KRABD3: variants seen among roughly 807,000 people sequenced by gnomAD.
KRABD3 encodes KRAB domain containing 3.
chr7:149,731,662 C>G, the KRABD3 span: 1 of 1,602,640 alleles, frequency 6.2e-7, no homozygotes, highest in Admixed American at 1.7e-5. Context: ...TCTCTGTGCT[C>G]TTTCTATAGG....
At chr7:149,729,731 G>A in the KRABD3 span, 2 of 985,384 alleles carry the variant, frequency 2.0e-6, no homozygotes, top group Non-Finnish European at 2.4e-6. Flanking sequence ...CTGAATAAAT[G>A]CGGTTTTGCT....
chr7:149,722,363 T>TGAATTTCCAGAGTCTGGAGC, the KRABD3 span: 1 of 1,562,232 alleles, frequency 6.4e-7, no homozygotes, highest in East Asian at 2.4e-5. Flanking sequence ...AGATCTGGTG[T>TGAATTTCCAGAGTCTGGAGC]GATTTTCCAG....
At chr7:149,725,457 T>A in the KRABD3 span, 1 of 1,611,932 alleles carries the variant, frequency 6.2e-7, no homozygotes. Flanking sequence ...CTCAGAAGCC[T>A]GAACTGCAAC....
chr7:149,729,242 C>A, the KRABD3 span: 5 of 1,598,900 alleles, frequency 3.1e-6, no homozygotes, highest in Non-Finnish European at 4.3e-6. Context: ...AGGGGAGAAG[C>A]GCCCACCCGG....
chr7:149,730,340 G>T, the KRABD3 span: 1 of 1,544,656 alleles, frequency 6.5e-7, no homozygotes. Context: ...CGCTCCCCCA[G>T]GGTGAGCCTG....
the KRABD3 span, among the ~76,000 whole-genome samples, chr7:149,715,841 G>C: frequency 6.6e-6 from 1 of 152,180 alleles, no homozygotes; most frequent in Non-Finnish European, 1.5e-5. Flanking sequence ...ACAGTCAAGT[G>C]TCCTTTTCAG....
chr7:149,722,619 C>T, the KRABD3 span: 3 of 1,534,280 alleles, frequency 2.0e-6, no homozygotes. Context: ...ACGAGGAGGT[C>T]ATGCTGCTCC....
the KRABD3 span, chr7:149,730,338 C>A: frequency 1.9e-6 from 3 of 1,542,530 alleles, no homozygotes; most frequent in Admixed American, 2.0e-5. Context: ...GCCGCTCCCC[C>A]AGGGTGAGCC....
At chr7:149,730,252 G>A in the KRABD3 span, 10 of 1,558,052 alleles carry the variant, frequency 6.4e-6, no homozygotes, top group Non-Finnish European at 8.7e-6. Flanking sequence ...CCCAGCCCCA[G>A]CCCCAGCCCC....
chr7:149,726,752 A>T, the KRABD3 span, among the ~76,000 whole-genome samples: 3 of 151,962 alleles, frequency 2.0e-5, 1 homozygote, highest in South Asian at 6.2e-4. Context: ...CAGAAGATTT[A>T]AAAAATTATC....
the KRABD3 span, chr7:149,722,342 C>T: frequency 1.3e-6 from 2 of 1,551,434 alleles, no homozygotes; most frequent in African/African-American, 1.4e-5. Flanking sequence ...GGGCTGTCCT[C>T]TATGGGAACC....
At chr7:149,715,255 C>T in the KRABD3 span, 1 of 1,218,960 alleles carries the variant, frequency 8.2e-7, no homozygotes, top group Non-Finnish European at 1.0e-6. Flanking sequence ...GCCGCCGGTA[C>T]CCACGGCCCA....
At chr7:149,733,801 C>G in the KRABD3 span, 15 of 1,604,354 alleles carry the variant, frequency 9.3e-6, no homozygotes, top group Admixed American at 8.5e-5. Context: ...CTGCACACCC[C>G]CTCCTCGCAC....
At chr7:149,732,217 C>T in the KRABD3 span, among the ~76,000 whole-genome samples, 1 of 152,190 alleles carries the variant, frequency 6.6e-6, no homozygotes, top group South Asian at 2.1e-4. The surrounding 1 kb of genome is among the most constrained non-coding windows in gnomAD (Gnocchi z 4.0). Context: ...GGCAGGTTCT[C>T]TTACTGGCTC....
At chr7:149,721,398 C>A in the KRABD3 span, 1 of 1,607,080 alleles carries the variant, frequency 6.2e-7, no homozygotes, top group Non-Finnish European at 8.5e-7. Context: ...GCAAGAGAGC[C>A]CTGCCCTCTC....
chr7:149,729,589 G>A, the KRABD3 span: 2 of 985,340 alleles, frequency 2.0e-6, no homozygotes, highest in Admixed American at 6.1e-5. Context: ...ATCATTGTTT[G>A]TGTCCATCCA....
At chr7:149,730,501 C>T in the KRABD3 span, 2 of 1,610,710 alleles carry the variant, frequency 1.2e-6, no homozygotes, top group Non-Finnish European at 1.7e-6. Context: ...CTGCTGGCAG[C>T]AGTGGCGGCA....
the KRABD3 span, chr7:149,714,966 G>A: frequency 8.9e-7 from 1 of 1,117,390 alleles, no homozygotes; most frequent in East Asian, 3.5e-5. Context: ...CTCCTGCGCG[G>A]ACCTGGGCCG....
chr7:149,730,179 C>A, the KRABD3 span: 1 of 1,569,204 alleles, frequency 6.4e-7, no homozygotes, highest in Admixed American at 1.9e-5. Context: ...GCTGCACTGC[C>A]TGGAGAGCGC....
Sources: allele counts gnomAD v4.1 joint callset (sites outside exome capture counted in the v4.1 genomes callset), GRCh38; gene constraint gnomAD v4.1.1; non-coding constraint Gnocchi (gnomAD v3.1); transcripts MANE v1.5; gene names NCBI Gene and HGNC (gene_info 2026-07-23, HGNC 2026-07-21).